GDA: variants seen among roughly 807,000 people sequenced by gnomAD.
GDA encodes the protein guanine deaminase.
GDA carries 18 observed loss-of-function variants against 59.6 expected under a neutral mutation model. The ratio of observed to expected loss-of-function variants is 0.30; its 90% CI spans 0.21 to 0.45. The LOEUF is 0.45. Ranked by LOEUF, GDA falls within the 20% of genes least tolerant of loss-of-function variation. The pLI is 1.00. For synonymous variants in GDA, 201 were observed against 201.1 expected (o/e 1.00, Z 0.00); for missense variants, 427 against 552.3 (o/e 0.77, Z 2.27).
At position 72,225,054 on chromosome 9, in the gene GDA, G is replaced by A. The variant is rs895304310; in HGVS notation, c.715-623G>A. On this transcript the variant is annotated intron_variant, in intron 7 of 13. Coordinates refer to ENST00000358399, the MANE Select transcript of GDA (RefSeq NM_004293.5). Reference sequence around the variant, plus strand: ...CCCAGCACTTTGAGAGGCTGAGCCCGGCAGATTACTTGAGGTCAGGAGTTT... The same window carrying A: ...CCCAGCACTTTGAGAGGCTGAGCCCAGCAGATTACTTGAGGTCAGGAGTTT... Among the ~76,000 whole-genome samples, 8 of 152,260 alleles carry A rather than the reference G, an allele frequency of 5.3e-5. No individual in the cohort carries two copies. The East Asian group carries it at 9.7e-4, about 18-fold the overall frequency.
rs914181491 is a variant in GDA, at chr9:72,251,168, T to G, written c.*2826T>G. ...ACTCTTTTTTACTTCAGAAAGAATTTTACAGGTTAAAGGGAAAGAAATGGT... is the reference window on the plus strand; with the variant it reads ...ACTCTTTTTTACTTCAGAAAGAATTGTACAGGTTAAAGGGAAAGAAATGGT... On this transcript the variant is annotated 3_prime_UTR_variant, in exon 14 of 14. Transcript: ENST00000358399. 3.8e-5 allele frequency: 8 copies of G among 210,324 alleles called. No individual in the cohort carries two copies. The highest frequency in any genetic ancestry group is 5.7e-5 in the Non-Finnish European group (6 of 105,798). The allele number at this position is 210,324 out of a possible 1,614,324, so 13.0% of individuals were successfully genotyped here. A position where few individuals can be genotyped will look rare whatever the true frequency, so the allele number is the denominator to read the frequency against.
intron 2 of GDA, 86 bp downstream of exon 2, chr9:72,195,674 A>T (rs1833087785): frequency 2.2e-6 from 1 of 462,608 alleles, no homozygotes; most frequent in Non-Finnish European, 4.0e-6. Context: ...GAGAGACTTT[A>T]AAAAATAATA....
At chr9:72,203,326 G>C (rs1834247169) in intron 3 of GDA, among the ~76,000 whole-genome samples, 1 of 152,148 alleles carries the variant, frequency 6.6e-6, no homozygotes. Context: ...TGTTATTCTG[G>C]GAGCTTTGCA....
chr9:72,174,532 C>T (rs1481743105), intron 1 of GDA, among the ~76,000 whole-genome samples: 1 of 152,098 alleles, frequency 6.6e-6, no homozygotes, highest in Non-Finnish European at 1.5e-5. Flanking sequence ...TAGCTTGGTT[C>T]TGGATTTTGT....
At chr9:72,245,102 T>A (rs745402869) in intron 11 of GDA, 46 bp from the exon 12 acceptor site, 3 of 1,602,998 alleles carry the variant, frequency 1.9e-6, no homozygotes, top group Non-Finnish European at 2.6e-6. Flanking sequence ...ATTAGTGTGG[T>A]CTGATGGCTT....
intron 5 of GDA, among the ~76,000 whole-genome samples, chr9:72,217,424 C>T (rs765584395): frequency 6.6e-6 from 1 of 152,172 alleles, no homozygotes; most frequent in Non-Finnish European, 1.5e-5. Context: ...AACCAAAAAA[C>T]GCCTGAGAAG....
At chr9:72,132,477 A>T (rs1826058687) in intron 1 of GDA, among the ~76,000 whole-genome samples, 1 of 152,212 alleles carries the variant, frequency 6.6e-6, no homozygotes, top group Admixed American at 6.5e-5. Flanking sequence ...GACAGACAGT[A>T]GTACACAGTG....
At chr9:72,162,105 G>T (rs1828705639) in intron 1 of GDA, among the ~76,000 whole-genome samples, 1 of 152,114 alleles carries the variant, frequency 6.6e-6, no homozygotes, top group Non-Finnish European at 1.5e-5. Flanking sequence ...GCCATTCCTG[G>T]TTCCTAGATG....
intron 10 of GDA, among the ~76,000 whole-genome samples, chr9:72,239,857 G>A (rs916170678): frequency 6.6e-6 from 1 of 152,146 alleles, no homozygotes; most frequent in Non-Finnish European, 1.5e-5. Context: ...TTAAGGACAT[G>A]TAGGATAGTT....
chr9:72,161,649 T>C lies in GDA; in HGVS notation c.123+11967T>C, dbSNP rs79113518. On this transcript the variant is annotated intron_variant, in intron 1 of 13. Coordinates refer to ENST00000358399, the MANE Select transcript of GDA (RefSeq NM_004293.5). ...CCTGCTTGCTTCTTTTGGTTTTGTA[T>C]TATGGTTTATTAAGTGTTTGCTTTT... 7.4e-3 allele frequency among the ~76,000 whole-genome samples: 1,131 copies of C among 152,314 alleles called. 19 individuals are homozygous for C. Among genetic ancestry groups the C allele is most frequent in the African/African-American group, 0.025 (1,046 of 41,560 alleles).
chr9:72,125,230 G>A (rs1251050002), intron 1 of GDA, among the ~76,000 whole-genome samples: 1 of 152,222 alleles, frequency 6.6e-6, no homozygotes, highest in Non-Finnish European at 1.5e-5. Context: ...GGTGGCTTCT[G>A]TTCCGTGGGC....
chr9:72,135,803 G>T (rs1826202843), intron 1 of GDA, among the ~76,000 whole-genome samples: 1 of 151,936 alleles, frequency 6.6e-6, no homozygotes, highest in African/African-American at 2.4e-5. Context: ...TGGAGACGGG[G>T]TTTTACCATG....
chr9:72,194,663 T>C (rs1031679247), intron 1 of GDA, among the ~76,000 whole-genome samples: 20 of 152,152 alleles, frequency 1.3e-4, no homozygotes, highest in Admixed American at 6.5e-4. Flanking sequence ...GCCCAGTCTA[T>C]TGTCTCTGGG....
chr9:72,208,000 G>T (rs144805044), intron 3 of GDA, among the ~76,000 whole-genome samples: 248 of 152,224 alleles, frequency 1.6e-3, no homozygotes, highest in African/African-American at 5.8e-3. Context: ...TACTTGGGAG[G>T]CTGAGGTGGA....
intron 5 of GDA, 73 bp from the exon 6 acceptor site, chr9:72,219,406 A>G: frequency 8.8e-7 from 1 of 1,141,206 alleles, no homozygotes; most frequent in Non-Finnish European, 1.3e-6. Flanking sequence ...CTGTCTGAAG[A>G]AAAAAATAAT....
upstream of GDA, among the ~76,000 whole-genome samples, chr9:72,148,625 TG>T (rs1826803452): frequency 6.6e-6 from 1 of 152,020 alleles, no homozygotes; most frequent in Non-Finnish European, 1.5e-5. Context: ...CTGGGTTTCA[TG>T]GAGGAACTTA....
At chr9:72,231,051 T>C in intron 9 of GDA, 63 bp from the exon 10 acceptor site, 2 of 902,002 alleles carry the variant, frequency 2.2e-6, no homozygotes, top group South Asian at 2.6e-5. Context: ...TCATTGTTAT[T>C]AGTGTTCATC....
At position 72,248,861 on chromosome 9, in the gene GDA, C is replaced by G. The variant is rs965498637; in HGVS notation, c.*519C>G. 2.0e-6 allele frequency: 2 copies of G among 983,258 alleles called. No individual in the cohort carries two copies. The highest frequency in any genetic ancestry group is 3.5e-5 in the African/African-American group (2 of 57,120). The allele number at this position is 983,258 out of a possible 1,614,324, so 60.9% of individuals were successfully genotyped here. On this transcript the variant is annotated 3_prime_UTR_variant, in exon 14 of 14. Transcript: ENST00000358399. ...TGAGCATACTAATTTAAAAAGAGAACTTGTTGAAATTTAAAACGTGTTTCT... is the reference window on the plus strand; with the variant it reads ...TGAGCATACTAATTTAAAAAGAGAAGTTGTTGAAATTTAAAACGTGTTTCT...
chr9:72,121,131 G>A (rs78004011), intron 1 of GDA, among the ~76,000 whole-genome samples: 17,943 of 152,186 alleles, frequency 0.12, 2,184 homozygotes, highest in African/African-American at 0.31. Flanking sequence ...AAACATGGTA[G>A]GTACTGAAGC....
Sources: allele counts gnomAD v4.1 joint callset (sites outside exome capture counted in the v4.1 genomes callset), GRCh38; gene constraint gnomAD v4.1.1; transcripts MANE v1.5; gene names NCBI Gene and HGNC (gene_info 2026-07-23, HGNC 2026-07-21).